The following DBX2 variants were observed in gnomAD, a reference collection of about 807,000 sequenced individuals.
DBX2 encodes homeobox protein DBX2.
DBX2 carries 16 observed loss-of-function variants against 17.7 expected under a neutral mutation model. The observed-to-expected ratio is 0.90, with a 90% CI of 0.61 to 1.37. The LOEUF (loss-of-function observed/expected upper bound fraction) is 1.37. Ranked by LOEUF, DBX2 falls within the 40% of genes most tolerant of loss-of-function variation. DBX2 has a pLI of 0.00. For missense variants in DBX2, 538 were observed against 433.8 expected, an observed-to-expected ratio of 1.24 and a Z score of -2.13; for synonymous variants, 255 against 183.8, an observed-to-expected ratio of 1.39 and a Z score of -3.13.
chr12:45,039,277 GTATATATA>G (rs58371508), intron 1 of DBX2, among the ~76,000 whole-genome samples: 7,791 of 89,584 alleles, frequency 0.087, 250 homozygotes, highest in Non-Finnish European at 0.11. Flanking sequence ...TGCATTGAAG[GTATATATA>G]TATATATATA....
intron 1 of DBX2, among the ~76,000 whole-genome samples, chr12:45,038,227 C>T (rs1007005830): frequency 6.6e-6 from 1 of 151,640 alleles, no homozygotes; most frequent in African/African-American, 2.4e-5. Context: ...TAACTTATTT[C>T]CCCTCCAAGA....
chr12:45,045,960 C>T (rs137920586), intron 1 of DBX2, among the ~76,000 whole-genome samples: 1,558 of 152,240 alleles, frequency 0.01, 33 homozygotes, highest in African/African-American at 0.034. Context: ...AGGAATGGAG[C>T]TAAGTAAGTG....
intron 2 of DBX2, among the ~76,000 whole-genome samples, chr12:45,034,628 G>C (rs1273298790): frequency 6.6e-6 from 1 of 152,176 alleles, no homozygotes; most frequent in African/African-American, 2.4e-5. Context: ...TATGTATTCA[G>C]CAAGTCCCTG....
chr12:45,016,483 G>C lies in DBX2; in HGVS notation c.823C>G (p.Pro275Ala), dbSNP rs1467983975. Residue 275 changes from proline to alanine, a missense_variant, in exon 4 of 4, where the codon CCA becomes GCA. Coordinates refer to ENST00000332700, the MANE Select transcript of DBX2 (RefSeq NM_001004329.3). ...LSRSALGFPS[P>A]CPSIWDVPQQ... ...GGGACGTCCCATATTGAAGGACATG[G>C]AGAAGGGAAACCCAGAGCAGACCGT... is the stretch of plus-strand genomic sequence containing the variant. 6.2e-7 allele frequency: 1 copy of C among 1,613,924 alleles called. No homozygotes were observed. The highest frequency in any genetic ancestry group is 1.1e-5 in the South Asian group (1 of 91,046).
intron 3 of DBX2, among the ~76,000 whole-genome samples, chr12:45,017,428 GA>G (rs1389691288): frequency 6.6e-6 from 1 of 152,170 alleles, no homozygotes; most frequent in African/African-American, 2.4e-5. Flanking sequence ...TGGAAGCACT[GA>G]GACTAGAATC....
chr12:45,050,491 G>A (rs1293788398), intron 1 of DBX2, 34 bp downstream of exon 1: 5 of 1,544,164 alleles, frequency 3.2e-6, no homozygotes, highest in Non-Finnish European at 4.4e-6. Context: ...GGGGGCGCGG[G>A]CGCGGCTGGG....
intron 2 of DBX2, among the ~76,000 whole-genome samples, chr12:45,027,913 T>C (rs1040807573): frequency 1.3e-5 from 2 of 152,154 alleles, no homozygotes; most frequent in Non-Finnish European, 2.9e-5. Context: ...AGTCCAAGAA[T>C]AATACAGACA....
chr12:45,048,796 G>A (rs538379820), intron 1 of DBX2, among the ~76,000 whole-genome samples: 1 of 152,172 alleles, frequency 6.6e-6, no homozygotes, highest in South Asian at 2.1e-4. Flanking sequence ...AATTAATCTA[G>A]AACATCATAT....
At chr12:45,035,581 G>A (rs887699902) in intron 2 of DBX2, among the ~76,000 whole-genome samples, 3 of 152,108 alleles carry the variant, frequency 2.0e-5, no homozygotes, top group African/African-American at 7.2e-5. Context: ...CTCCTCTCAC[G>A]ATCTTGACAA....
chr12:45,018,485 G>T (rs1478650049), intron 3 of DBX2, among the ~76,000 whole-genome samples: 1 of 152,048 alleles, frequency 6.6e-6, no homozygotes, highest in Non-Finnish European at 1.5e-5. Context: ...AAACGAAACT[G>T]CAAAAGTTTT....
At chr12:45,026,308 C>T (rs1360298708) in intron 2 of DBX2, among the ~76,000 whole-genome samples, 1 of 152,116 alleles carries the variant, frequency 6.6e-6, no homozygotes, top group Non-Finnish European at 1.5e-5. Context: ...TAACAAAGAT[C>T]AATAGAAGCA....
intron 1 of DBX2, among the ~76,000 whole-genome samples, chr12:45,041,900 C>T (rs2137030642): frequency 6.6e-6 from 1 of 152,268 alleles, no homozygotes; most frequent in Non-Finnish European, 1.5e-5. Flanking sequence ...TTCTCAGTTA[C>T]TCCAAGTTCA....
intron 2 of DBX2, among the ~76,000 whole-genome samples, chr12:45,033,241 G>A (rs963270601): frequency 6.6e-6 from 1 of 152,202 alleles, no homozygotes; most frequent in Non-Finnish European, 1.5e-5. Context: ...TTAAAAATGT[G>A]CTGGTCTGAT....
intron 2 of DBX2, among the ~76,000 whole-genome samples, chr12:45,026,721 T>A (rs1021627839): frequency 3.3e-5 from 5 of 152,216 alleles, no homozygotes; most frequent in Non-Finnish European, 7.3e-5. Flanking sequence ...TTACAATTCA[T>A]TCTCACTCTG....
chr12:45,025,643 T>C (rs953137676), intron 2 of DBX2, among the ~76,000 whole-genome samples: 10 of 151,102 alleles, frequency 6.6e-5, no homozygotes, highest in African/African-American at 2.4e-4. Flanking sequence ...CTCTGTAACA[T>C]AGCACCAGGA....
chr12:45,026,016 G>C (rs1946379332), intron 2 of DBX2, among the ~76,000 whole-genome samples: 2 of 151,996 alleles, frequency 1.3e-5, no homozygotes, highest in South Asian at 4.1e-4. Flanking sequence ...CTGCAAATGG[G>C]CTTTTTTTGG....
intron 1 of DBX2, among the ~76,000 whole-genome samples, chr12:45,038,298 GTTA>G (rs1946450937): frequency 2.0e-5 from 3 of 147,626 alleles, no homozygotes; most frequent in South Asian, 4.2e-4. Context: ...GACTTTTGTT[GTTA>G]TTGTTGTTGT....
chr12:45,032,103 G>A lies in DBX2; in HGVS notation c.499+3916C>T, dbSNP rs181248951. Reference sequence around the variant, plus strand: ...CTCCAATACTTTCACTGCCTCTCTAGAACTGCTGAATAGAGCCATCAACTT... The same window carrying A: ...CTCCAATACTTTCACTGCCTCTCTAAAACTGCTGAATAGAGCCATCAACTT... On this transcript the variant is annotated intron_variant, in intron 2 of 3. Transcript: ENST00000332700. 7.8e-4 allele frequency among the ~76,000 whole-genome samples: 118 copies of A among 150,772 alleles called. 1 individual carries two copies. Among genetic ancestry groups the A allele is most frequent in the Admixed American group, 3.9e-3 (59 of 15,048 alleles).
At chr12:45,026,017 C>T (rs368881504) in intron 2 of DBX2, among the ~76,000 whole-genome samples, 1 of 151,754 alleles carries the variant, frequency 6.6e-6, no homozygotes, top group African/African-American at 2.4e-5. Flanking sequence ...TGCAAATGGG[C>T]TTTTTTTGGT....
Sources: allele counts gnomAD v4.1 joint callset (sites outside exome capture counted in the v4.1 genomes callset), GRCh38; gene constraint gnomAD v4.1.1; transcripts MANE v1.5; gene names NCBI Gene and HGNC (gene_info 2026-07-23, HGNC 2026-07-21).